PRRC2C: variants seen among roughly 807,000 people sequenced by gnomAD.
PRRC2C encodes protein PRRC2C.
In PRRC2C, 72 loss-of-function variants were observed where a neutral mutation model predicts 317.2. The ratio of observed to expected loss-of-function variants is 0.23; its 90% CI spans 0.19 to 0.28. The LOEUF is 0.28. PRRC2C is among the 10% of genes least tolerant of loss of function. The probability of loss-of-function intolerance (pLI) is 1.00; values close to 1 mark genes in which losing one functional copy is unlikely to be tolerated. For synonymous variants in PRRC2C, 1,296 were observed against 1,205.9 expected (o/e 1.07, Z -1.55); for missense variants, 3,074 against 3,459.7 (o/e 0.89, Z 2.80).
Position 171,589,422 on chromosome 1 carries a change from C to T in PRRC2C, c.8253C>T (p.Asn2751=). Reference sequence around the variant, plus strand: ...CATTGGTAAGAGCCCCACATACTAACACCTTCCCAGCGCCTGTTCAGAGGC... The same window carrying T: ...CATTGGTAAGAGCCCCACATACTAATACCTTCCCAGCGCCTGTTCAGAGGC... ...VPPLVRAPHT[N]TFPAPVQRPP... The change falls in exon 34 of 35, where the codon AAC becomes AAT. Residue 2751 remains asparagine (N), a synonymous_variant. Coordinates refer to ENST00000647382, the MANE Select transcript of PRRC2C (RefSeq NM_001387844.1). 1.6e-6 allele frequency: 2 copies of T among 1,288,242 alleles called. No homozygotes were observed. The highest frequency in any genetic ancestry group is 2.0e-6 in the Non-Finnish European group (2 of 988,586). The allele number at this position is 1,288,242 out of a possible 1,614,324, so 79.8% of individuals were successfully genotyped here.
intron 1 of PRRC2C, among the ~76,000 whole-genome samples, chr1:171,489,888 T>G (rs184679424): frequency 6.6e-6 from 1 of 152,198 alleles, no homozygotes; most frequent in African/African-American, 2.4e-5. Flanking sequence ...TCAATTCAAC[T>G]TGCTGTCTTT....
chr1:171,509,115 G>C (rs1246749346), intron 1 of PRRC2C, among the ~76,000 whole-genome samples: 1 of 152,104 alleles, frequency 6.6e-6, no homozygotes, highest in Non-Finnish European at 1.5e-5. Flanking sequence ...TCGATCTCCT[G>C]ACCTCACGAT....
intron 32 of PRRC2C, 71 bp from the exon 33 acceptor site, chr1:171,588,308 G>A: frequency 6.6e-7 from 1 of 1,513,622 alleles, no homozygotes; most frequent in Non-Finnish European, 9.0e-7. Flanking sequence ...ACCAAGAACG[G>A]TGTTTGCAAA....
chr1:171,505,450 C>T (rs1331830551), intron 1 of PRRC2C, among the ~76,000 whole-genome samples: 1 of 151,852 alleles, frequency 6.6e-6, no homozygotes, highest in Non-Finnish European at 1.5e-5. Context: ...TTGTAAACTC[C>T]CATCTAGTAG....
intron 18 of PRRC2C, 81 bp downstream of exon 18, chr1:171,550,321 A>G: frequency 1.6e-6 from 2 of 1,282,878 alleles, no homozygotes; most frequent in South Asian, 1.8e-5. Context: ...AGGTTTTTAT[A>G]CTTGTCAAGG....
chr1:171,564,509 T>C (rs1281930657), intron 20 of PRRC2C, among the ~76,000 whole-genome samples: 1 of 152,236 alleles, frequency 6.6e-6, no homozygotes, highest in East Asian at 1.9e-4. Context: ...AATTTCAACA[T>C]TGACTAAAGC....
chr1:171,501,198 G>T (rs1669052619), intron 1 of PRRC2C, among the ~76,000 whole-genome samples: 1 of 150,880 alleles, frequency 6.6e-6, no homozygotes, highest in South Asian at 2.1e-4. Context: ...GTGTGAACAG[G>T]GTTCACTACA....
chr1:171,586,158 G>A (rs939968946), intron 30 of PRRC2C, among the ~76,000 whole-genome samples: 1 of 134,642 alleles, frequency 7.4e-6, no homozygotes, highest in African/African-American at 2.8e-5. Flanking sequence ...CACCTCCCAG[G>A]TTCAAGTGAT....
rs758529250 is a variant in PRRC2C at position 171,571,323 on chromosome 1, C to T, written c.6655C>T (p.Pro2219Ser). The change falls in exon 24 of 35, where the codon CCC (proline) becomes TCC (serine). Residue 2219 changes from proline (P) to serine (S), a missense_variant. Coordinates refer to ENST00000647382, the MANE Select transcript of PRRC2C (RefSeq NM_001387844.1). ...TATGTGTTGCCTACCTTTTCAGGTG[C>T]CCCTGCCCAACACCCTTCCCCTCCC... ...KMEDTLVNNV[P>S]LPNTLPLPKR... The T allele has an allele frequency of 6.3e-7, 1 of 1,595,704 alleles. No homozygotes were observed. The highest frequency in any genetic ancestry group is 8.6e-7 in the Non-Finnish European group (1 of 1,163,784).
chr1:171,535,456 C>G lies in PRRC2C; in HGVS notation c.1902C>G (p.Asp634Glu), dbSNP rs1676648608. The G allele has an allele frequency of 6.2e-7, 1 of 1,613,822 alleles. No homozygotes were observed. Among genetic ancestry groups the G allele is most frequent in the Non-Finnish European group, 8.5e-7 (1 of 1,179,826 alleles). The change falls in exon 13 of 35, where the codon GAC becomes GAG. Residue 634 changes from aspartate to glutamate, a missense_variant. Transcript: ENST00000647382. ...AGGAACCCGTTTTCACTAGACAAGA[C>G]AGCAATCGCAGTGAAAAGGAAGCCA... ...KEEEPVFTRQ[D>E]SNRSEKEATP... is the part of the protein sequence containing the mutation.
intron 16 of PRRC2C, among the ~76,000 whole-genome samples, chr1:171,543,078 C>T (rs1056858944): frequency 2.0e-5 from 3 of 147,764 alleles, no homozygotes; most frequent in African/African-American, 7.4e-5. Flanking sequence ...GTTTTTTTAA[C>T]TATTCAGATG....
In PRRC2C at chr1:171,541,873, A is replaced by G. The variant is rs747008264; in HGVS notation, c.4407A>G (p.Glu1469=). Residue 1469 remains glutamate, a synonymous_variant, in exon 16 of 35, where the codon GAA becomes GAG. Transcript: ENST00000647382. The surrounding 1 kb of genome is among the most constrained non-coding windows in gnomAD (Gnocchi z 4.1). ...TNGTVNNVAQ[E]PVNTLGDISG... ...GCACAGTTAATAATGTGGCTCAAGA[A>G]CCAGTTAATACTCTTGGGGATATTT... The G allele has an allele frequency of 6.2e-7, 1 of 1,613,840 alleles. No homozygotes were observed. Among genetic ancestry groups the G allele is most frequent in the East Asian group, 2.2e-5 (1 of 44,876 alleles).
At chr1:171,537,737 G>C (rs1437742319) in intron 15 of PRRC2C, among the ~76,000 whole-genome samples, 2 of 152,062 alleles carry the variant, frequency 1.3e-5, no homozygotes, top group African/African-American at 4.8e-5. Flanking sequence ...ATAGGAACTT[G>C]CTCTGTTATT....
chr1:171,527,450 A>C (rs1034989544), intron 10 of PRRC2C, among the ~76,000 whole-genome samples: 1 of 151,682 alleles, frequency 6.6e-6, no homozygotes, highest in Non-Finnish European at 1.5e-5. Flanking sequence ...TTTTTCTTAC[A>C]TGGTTCTTTT....
intron 15 of PRRC2C, among the ~76,000 whole-genome samples, chr1:171,539,285 G>A (rs1411073876): frequency 2.0e-5 from 3 of 152,028 alleles, no homozygotes; most frequent in African/African-American, 7.3e-5. Flanking sequence ...GATTACAGGC[G>A]TGAGCCACCG....
chr1:171,589,243 C>A, intron 33 of PRRC2C, 126 bp from the exon 34 acceptor site: 3 of 420,714 alleles, frequency 7.1e-6, no homozygotes, highest in South Asian at 4.2e-5. Context: ...AATCTGTACA[C>A]TTCCTTTCAC....
At chr1:171,553,893 G>T (rs1040814035) in intron 18 of PRRC2C, among the ~76,000 whole-genome samples, 1 of 152,110 alleles carries the variant, frequency 6.6e-6, no homozygotes, top group African/African-American at 2.4e-5. Context: ...CCAACTATTT[G>T]GTCAGTTTTG....
At chr1:171,568,859 C>T (rs1170569299) in intron 23 of PRRC2C, among the ~76,000 whole-genome samples, 1 of 143,810 alleles carries the variant, frequency 7.0e-6, no homozygotes, top group Non-Finnish European at 1.6e-5. Context: ...GTATTGTATA[C>T]ATAAGTACGC....
chr1:171,524,035 C>CAA (rs56110485), intron 9 of PRRC2C, among the ~76,000 whole-genome samples: 74 of 143,850 alleles, frequency 5.1e-4, no homozygotes, highest in African/African-American at 1.0e-3. Flanking sequence ...GACTGTATCT[C>CAA]AAAAAAAAAA....
Sources: allele counts gnomAD v4.1 joint callset (sites outside exome capture counted in the v4.1 genomes callset), GRCh38; gene constraint gnomAD v4.1.1; non-coding constraint Gnocchi (gnomAD v3.1); transcripts MANE v1.5; gene names NCBI Gene and HGNC (gene_info 2026-07-23, HGNC 2026-07-21).